ZXDC: variants seen among roughly 807,000 people sequenced by gnomAD.
The protein encoded by ZXDC is ZXD family zinc finger C.
ZXDC carries 58 observed loss-of-function variants against 63.6 expected under a neutral mutation model. The observed-to-expected ratio is 0.91, with a 90% CI of 0.74 to 1.13. The LOEUF is 1.13. ZXDC is among the 50% of genes most tolerant of loss of function. The pLI is 0.00. For synonymous variants in ZXDC, 561 were observed against 496.1 expected (o/e 1.13, Z -1.74); for missense variants, 1,133 against 1,148.9 (o/e 0.99, Z 0.20).
At position 126,464,240 on chromosome 3, in the gene ZXDC, A is replaced by G. The variant is rs373140359; in HGVS notation, c.1441+1915T>C. ...AGATATTAACACAATCACTAAATAAACATTAGATAGCAGAGCATCTGGCAA... is the reference window on the plus strand; with the variant it reads ...AGATATTAACACAATCACTAAATAAGCATTAGATAGCAGAGCATCTGGCAA... On this transcript the variant is annotated intron_variant, in intron 5 of 9. Coordinates refer to ENST00000389709, the MANE Select transcript of ZXDC (RefSeq NM_025112.5). Among the ~76,000 whole-genome samples the G allele has an allele frequency of 7.2e-5, 11 of 152,330 alleles. No homozygotes were observed. The East Asian group carries it at 1.2e-3, about 16-fold the overall frequency.
chr3:126,469,061 G>C (rs77281886), intron 4 of ZXDC, among the ~76,000 whole-genome samples: 1 of 152,230 alleles, frequency 6.6e-6, no homozygotes, highest in African/African-American at 2.4e-5. Flanking sequence ...AACAACCCTG[G>C]GAGGTTTTAT....
At chr3:126,466,076 G>C in intron 5 of ZXDC, 79 bp downstream of exon 5, 4 of 1,506,150 alleles carry the variant, frequency 2.7e-6, no homozygotes, top group Non-Finnish European at 3.6e-6. Context: ...AAGAGGTGAA[G>C]AAGGAACAGA....
At chr3:126,471,869 T>A (rs1050025406) in intron 3 of ZXDC, 104 bp downstream of exon 3, 1 of 1,040,758 alleles carries the variant, frequency 9.6e-7, no homozygotes, top group African/African-American at 1.6e-5. Flanking sequence ...GCTCCTTTTT[T>A]AACAACTTAA....
intron 1 of ZXDC, 46 bp downstream of exon 1, chr3:126,474,913 T>C: frequency 6.6e-7 from 1 of 1,520,362 alleles, no homozygotes; most frequent in South Asian, 1.3e-5. Context: ...ACCCCAGACC[T>C]GCCTGCAACA....
intron 5 of ZXDC, among the ~76,000 whole-genome samples, 179 bp from the exon 6 acceptor site, chr3:126,462,399 C>G (rs1934594140): frequency 6.6e-6 from 1 of 152,164 alleles, no homozygotes; most frequent in South Asian, 2.1e-4. Flanking sequence ...GCAACCGACA[C>G]ACACCCCAGG....
intron 7 of ZXDC, chr3:126,453,638 T>G: frequency 2.0e-6 from 2 of 985,470 alleles, no homozygotes; most frequent in Non-Finnish European, 2.4e-6. Context: ...GCTCAAGAGC[T>G]CAAACTTATA....
chr3:126,460,537 G>A (rs1934484940), intron 6 of ZXDC: 1 of 985,248 alleles, frequency 1.0e-6, no homozygotes, highest in Admixed American at 6.1e-5. Flanking sequence ...CATTTCCCAA[G>A]GCACCGAGGC....
At chr3:126,456,903 T>C (rs1227244798) in intron 7 of ZXDC, among the ~76,000 whole-genome samples, 4 of 152,214 alleles carry the variant, frequency 2.6e-5, no homozygotes, top group African/African-American at 9.6e-5. Flanking sequence ...ACATCTGCCG[T>C]GTGGACAGCA....
chr3:126,442,083 T>A (rs66524784), intron 7 of ZXDC, 137 bp from the exon 8 acceptor site: 2 of 1,016,436 alleles, frequency 2.0e-6, no homozygotes, highest in Non-Finnish European at 2.6e-6. Context: ...TAAAATCACT[T>A]AACAGAAAAA....
rs200661026 is a variant in ZXDC at position 126,462,223 on chromosome 3, G to GAAAAAAA, written c.1442-10_1442-4dup. ...AGCTTCTAGCTGAGGTAAGAGATCTGAAAAAAAAAGGAATACACTCTGGTT... is the reference window on the plus strand; with the variant it reads ...AGCTTCTAGCTGAGGTAAGAGATCTGAAAAAAAAAAAAAAAAGGAATACACTCTGGTT... On this transcript the variant is annotated splice_polypyrimidine_tract_variant and splice_region_variant and intron_variant, in intron 5 of 9. Transcript: ENST00000389709. 1 of 1,559,106 alleles carries GAAAAAAA rather than the reference G, an allele frequency of 6.4e-7. No homozygotes were observed. The highest frequency in any genetic ancestry group is 1.9e-5 in the Admixed American group (1 of 51,294).
chr3:126,441,483 C>T, intron 8 of ZXDC: 1 of 1,206,090 alleles, frequency 8.3e-7, no homozygotes, highest in Non-Finnish European at 1.0e-6. Context: ...GCGGGCTACT[C>T]TGGGGCTAGA....
At chr3:126,466,946 C>T (rs1934793793) in intron 4 of ZXDC, among the ~76,000 whole-genome samples, 1 of 152,120 alleles carries the variant, frequency 6.6e-6, no homozygotes, top group South Asian at 2.1e-4. Context: ...CCCTCCGTGC[C>T]CTGGCTTTCT....
rs748125107 is a variant in ZXDC, at chr3:126,439,684, G to A, written c.2438C>T (p.Pro813Leu). 3.2e-6 allele frequency: 5 copies of A among 1,552,802 alleles called. No individual in the cohort carries two copies. The highest frequency in any genetic ancestry group is 2.4e-5 in the East Asian group (1 of 41,182). ...AGTGAGGAAGGGGAGGAAGGTGGCTGGGCCGCGGGCCGAGGGCAGGACACC... is the reference window on the plus strand; with the variant it reads ...AGTGAGGAAGGGGAGGAAGGTGGCTAGGCCGCGGGCCGAGGGCAGGACACC... ...GEGVLPSARG[P>L]ATFLPFLTVD... The change falls in exon 9 of 10, where the codon CCA (proline) becomes CTA (leucine). Residue 813 changes from proline to leucine, a missense_variant. Physicochemically the swap from Pro to Leu is moderately conservative, Grantham distance 98. Transcript: ENST00000389709.
chr3:126,461,420 G>T (rs1934529052), intron 6 of ZXDC, 115 bp downstream of exon 6: 1 of 1,443,460 alleles, frequency 6.9e-7, no homozygotes, highest in African/African-American at 1.4e-5. Context: ...GTCCAGGGCT[G>T]CGTCCTTTTG....
At chr3:126,468,024 A>G (rs1934842403) in intron 4 of ZXDC, among the ~76,000 whole-genome samples, 1 of 152,168 alleles carries the variant, frequency 6.6e-6, no homozygotes, top group Admixed American at 6.5e-5. Flanking sequence ...CTCCAAGTGT[A>G]CTAACTGCTG....
In ZXDC at chr3:126,470,909, T is replaced by C. The variant is rs1465776717; in HGVS notation, c.1256A>G (p.Glu419Gly). Residue 419 changes from glutamate to glycine, a missense_variant, in exon 4 of 10, where the codon GAG (glutamate) becomes GGG (glycine). Coordinates refer to ENST00000389709, the MANE Select transcript of ZXDC (RefSeq NM_025112.5). ...SITHLGTKPF[E>G]CPVEGCCARF... ...TTAAAATCTACCTTCCACAGGACACTCGAACGGCTTTGTGCCTAGGTGGGT... is the reference window on the plus strand; with the variant it reads ...TTAAAATCTACCTTCCACAGGACACCCGAACGGCTTTGTGCCTAGGTGGGT... The C allele has an allele frequency of 6.2e-7, 1 of 1,614,206 alleles. No homozygotes were observed. Among genetic ancestry groups the C allele is most frequent in the East Asian group, 2.2e-5 (1 of 44,888 alleles).
rs114485528 is a variant in ZXDC, at chr3:126,469,771, C to T, written c.1270+1124G>A. Among the ~76,000 whole-genome samples, 1,029 of 152,340 alleles carry T rather than the reference C, an allele frequency of 6.8e-3. 10 individuals carry two copies. Among genetic ancestry groups the T allele is most frequent in the African/African-American group, 0.024 (978 of 41,562 alleles). On this transcript the variant is annotated intron_variant, in intron 4 of 9. Coordinates refer to ENST00000389709, the MANE Select transcript of ZXDC (RefSeq NM_025112.5). Reference sequence around the variant, plus strand: ...CACCCCGGTCTGGGGAAACTCTCTGCGCCCCTGCAGCACCCTACATGTTAC... The same window carrying T: ...CACCCCGGTCTGGGGAAACTCTCTGTGCCCCTGCAGCACCCTACATGTTAC...
At chr3:126,452,911 A>T in intron 7 of ZXDC, 1 of 582,318 alleles carries the variant, frequency 1.7e-6, no homozygotes, top group Non-Finnish European at 2.2e-6. Context: ...GCTAATTATT[A>T]TTTTTTTTAC....
intron 7 of ZXDC, among the ~76,000 whole-genome samples, chr3:126,446,831 TCATTTGTGTAGGTTTCAGATTTCA>T (rs1317261715): frequency 3.3e-5 from 5 of 152,188 alleles, no homozygotes; most frequent in African/African-American, 1.2e-4. Context: ...CAAAAACAAG[TCATTTGTGTAGGTTTCAGATTTCA>T]CATTTGTGTA....
Sources: allele counts gnomAD v4.1 joint callset (sites outside exome capture counted in the v4.1 genomes callset), GRCh38; gene constraint gnomAD v4.1.1; transcripts MANE v1.5; gene names NCBI Gene and HGNC (gene_info 2026-07-23, HGNC 2026-07-21).